TPRG1: variants seen among roughly 807,000 people sequenced by gnomAD.
TPRG1 encodes tumor protein p63 regulated 1, also known as tumor protein p63-regulated gene 1 protein.
Under a neutral mutation model 29.3 loss-of-function variants are expected in TPRG1, and 29 were observed. The ratio of observed to expected loss-of-function variants is 0.99; its 90% CI spans 0.74 to 1.35. The LOEUF (loss-of-function observed/expected upper bound fraction) is 1.35, where lower values mean the gene tolerates loss of function less well. TPRG1 is among the 40% of genes most tolerant of loss of function. The pLI is 0.00. For missense variants in TPRG1, 327 were observed against 335.0 expected (o/e 0.98, Z 0.19); for synonymous variants, 130 against 116.8 (o/e 1.11, Z -0.73).
intron 5 of TPRG1, among the ~76,000 whole-genome samples, chr3:189,157,390 AT>A: frequency 6.6e-6 from 1 of 152,254 alleles, no homozygotes; most frequent in Middle Eastern, 3.4e-3. Flanking sequence ...AATGACTCAC[AT>A]GTCCACGGGA....
intron 4 of TPRG1, among the ~76,000 whole-genome samples, chr3:189,273,203 A>G (rs1031351796): frequency 1.3e-5 from 2 of 152,154 alleles, no homozygotes; most frequent in African/African-American, 2.4e-5. Flanking sequence ...TAATTCAACT[A>G]CTATTTACTT....
intron 4 of TPRG1, among the ~76,000 whole-genome samples, chr3:189,281,608 A>G (rs1039067333): frequency 6.6e-6 from 1 of 152,088 alleles, no homozygotes. Context: ...ATTATATGAC[A>G]TGTAATTTTA....
At chr3:189,226,982 AAC>A (rs1469023419) in intron 3 of TPRG1, among the ~76,000 whole-genome samples, 1 of 151,894 alleles carries the variant, frequency 6.6e-6, no homozygotes, top group Non-Finnish European at 1.5e-5. Flanking sequence ...AATTTCGCAA[AAC>A]ACACAAACTA....
intron 4 of TPRG1, among the ~76,000 whole-genome samples, chr3:189,086,684 C>G (rs995594267): frequency 6.6e-6 from 1 of 152,100 alleles, no homozygotes; most frequent in African/African-American, 2.4e-5. Flanking sequence ...TGTGCCACCA[C>G]GCCCAGCTAA....
intron 4 of TPRG1, among the ~76,000 whole-genome samples, chr3:189,037,332 TTTC>T (rs1714336731): frequency 6.6e-6 from 1 of 151,794 alleles, no homozygotes; most frequent in Admixed American, 6.6e-5. Context: ...ATAAGGAGGA[TTTC>T]ATATCAGAAG....
upstream of TPRG1, among the ~76,000 whole-genome samples, chr3:189,097,496 T>A (rs1187311938): frequency 6.6e-6 from 1 of 152,250 alleles, no homozygotes; most frequent in African/African-American, 2.4e-5. Context: ...AGACAACTAT[T>A]ATACTTCAGG....
intron 1 of TPRG1, among the ~76,000 whole-genome samples, chr3:189,106,529 C>T (rs1719842025): frequency 6.6e-6 from 1 of 152,044 alleles, no homozygotes; most frequent in Non-Finnish European, 1.5e-5. Flanking sequence ...TCTGTCTTTT[C>T]CATTAGACTA....
At chr3:189,027,515 C>T (rs188436768) in intron 4 of TPRG1, among the ~76,000 whole-genome samples, 23 of 152,280 alleles carry the variant, frequency 1.5e-4, no homozygotes, top group Admixed American at 1.1e-3. Context: ...TATAAATACA[C>T]GCATGGTGTA....
chr3:189,047,782 T>C (rs1715068862), intron 4 of TPRG1, among the ~76,000 whole-genome samples: 1 of 152,174 alleles, frequency 6.6e-6, no homozygotes, highest in South Asian at 2.1e-4. Flanking sequence ...TTTCTTTGCT[T>C]CTCCGTAAGA....
At chr3:189,043,534 T>C (rs1486282721) in intron 4 of TPRG1, among the ~76,000 whole-genome samples, 1 of 152,112 alleles carries the variant, frequency 6.6e-6, no homozygotes, top group Non-Finnish European at 1.5e-5. Flanking sequence ...TTTTCACCCC[T>C]GATGGAAGAA....
At chr3:189,225,466 G>A (rs995842940) in intron 3 of TPRG1, among the ~76,000 whole-genome samples, 34 of 152,090 alleles carry the variant, frequency 2.2e-4, no homozygotes, top group Non-Finnish European at 4.7e-4. Context: ...AATGCATTAG[G>A]CTCTGGAAAT....
At chr3:189,180,183 A>G (rs1730027313) in intron 1 of TPRG1, among the ~76,000 whole-genome samples, 1 of 152,144 alleles carries the variant, frequency 6.6e-6, no homozygotes, top group African/African-American at 2.4e-5. Flanking sequence ...GGGTCCTCCC[A>G]TAGCATGTGG....
At position 189,160,033 on chromosome 3, in the gene TPRG1, A is replaced by G. The variant is rs867848877; in HGVS notation, c.-10+9161A>G. On this transcript the variant is annotated intron_variant, in intron 5 of 6. Coordinates refer to the TPRG1 transcript ENST00000412373. ...TTCAAATTCCAAAGGAAGGCCTTGT[A>G]TGGTGGATGGTGTGTGGGTGGTCGG... Among the ~76,000 whole-genome samples the G allele has an allele frequency of 2.4e-4, 37 of 151,954 alleles. 1 individual carries two copies. The highest frequency in any genetic ancestry group is 1.2e-4 in the Non-Finnish European group (8 of 67,990).
chr3:189,061,936 G>T (rs1010952101), intron 4 of TPRG1, among the ~76,000 whole-genome samples: 3 of 152,130 alleles, frequency 2.0e-5, no homozygotes, highest in Non-Finnish European at 4.4e-5. Flanking sequence ...CCATTACTGG[G>T]TATACACCTA....
At chr3:189,311,041 C>A (rs547954946) in intron 5 of TPRG1, among the ~76,000 whole-genome samples, 1 of 152,248 alleles carries the variant, frequency 6.6e-6, no homozygotes, top group African/African-American at 2.4e-5. Context: ...TATAAATACT[C>A]CATGAAGTGT....
At chr3:189,295,527 C>G (rs1444918851) in intron 4 of TPRG1, among the ~76,000 whole-genome samples, 2 of 135,950 alleles carry the variant, frequency 1.5e-5, no homozygotes, top group Non-Finnish European at 3.1e-5. Flanking sequence ...AAAAAAAGGC[C>G]TTGGTCTCTT....
intron 1 of TPRG1, among the ~76,000 whole-genome samples, chr3:189,184,061 A>G (rs1371912418): frequency 2.6e-5 from 4 of 152,192 alleles, no homozygotes; most frequent in African/African-American, 4.8e-5. Flanking sequence ...ATAAATGTCC[A>G]TGAAATCGTC....
upstream of TPRG1, among the ~76,000 whole-genome samples, chr3:189,170,681 G>C (rs1390832646): frequency 6.6e-6 from 1 of 152,156 alleles, no homozygotes; most frequent in African/African-American, 2.4e-5. Context: ...AACTACTGTT[G>C]AGTTAGTATA....
intron 4 of TPRG1, among the ~76,000 whole-genome samples, chr3:189,080,429 T>C (rs774082673): frequency 3.3e-5 from 5 of 152,062 alleles, no homozygotes; most frequent in Admixed American, 2.0e-4. Flanking sequence ...TACACAGAAA[T>C]AGGAAAAGTA....
Sources: allele counts gnomAD v4.1 joint callset (sites outside exome capture counted in the v4.1 genomes callset), GRCh38; gene constraint gnomAD v4.1.1; transcripts MANE v1.5; gene names NCBI Gene and HGNC (gene_info 2026-07-23, HGNC 2026-07-21).